The following ARID1B variants were observed in gnomAD, a reference collection of about 807,000 sequenced individuals.
The protein encoded by ARID1B is AT-rich interaction domain 1B, also known as AT-rich interactive domain-containing protein 1B.
ARID1B carries 30 observed loss-of-function variants against 212.3 expected under a neutral mutation model. The observed-to-expected ratio is 0.14, with a 90% CI of 0.11 to 0.19. ARID1B has a LOEUF of 0.19. Ranked by LOEUF, ARID1B falls within the 10% of genes least tolerant of loss-of-function variation. The probability of loss-of-function intolerance (pLI) is 1.00; values close to 1 mark genes in which losing one functional copy is unlikely to be tolerated. For synonymous variants in ARID1B, 1,402 were observed against 1,301.7 expected, an observed-to-expected ratio of 1.08 and a Z score of -1.66; for missense variants, 2,891 against 3,204.0, an observed-to-expected ratio of 0.90 and a Z score of 2.36.
In ARID1B at chr6:157,118,012, CA is replaced by C. The variant is rs540249082; in HGVS notation, c.2581+7452del. ...AACCCCAGCCGTGCTCTTTATGACC[CA>C]GGGGCATTTAGATAGAAATATGTAA... On this transcript the variant is annotated intron_variant, in intron 6 of 19. Transcript: ENST00000636930. 2.3e-3 allele frequency among the ~76,000 whole-genome samples: 344 copies of C among 152,288 alleles called. 1 individual carries two copies. Among genetic ancestry groups the C allele is most frequent in the African/African-American group, 7.9e-3 (327 of 41,558 alleles).
At chr6:157,057,026 G>A (rs987864936) in intron 4 of ARID1B, among the ~76,000 whole-genome samples, 1 of 149,670 alleles carries the variant, frequency 6.7e-6, no homozygotes, top group African/African-American at 2.5e-5. Context: ...TTTTTAAGAC[G>A]GAGTCTCACT....
chr6:157,185,994 A>G (rs1259063346), intron 13 of ARID1B: 1 of 152,782 alleles, frequency 6.5e-6, no homozygotes, highest in African/African-American at 2.4e-5. Flanking sequence ...AGAGTAAAAC[A>G]AGCTGCCTGT....
At chr6:156,906,114 G>A (rs1366087320) in intron 3 of ARID1B, among the ~76,000 whole-genome samples, 2 of 152,148 alleles carry the variant, frequency 1.3e-5, no homozygotes, top group Non-Finnish European at 2.9e-5. Context: ...TGGGGTGTGT[G>A]TTAGATGACT....
At chr6:157,051,238 AAG>A (rs1176349445) in intron 4 of ARID1B, among the ~76,000 whole-genome samples, 1 of 152,196 alleles carries the variant, frequency 6.6e-6, no homozygotes, top group East Asian at 1.9e-4. Context: ...AATTGCTGAG[AAG>A]AGAGGTTAAG....
intron 2 of ARID1B, among the ~76,000 whole-genome samples, chr6:156,900,009 GAGTTGT>G (rs1788790916): frequency 6.6e-6 from 1 of 152,222 alleles, no homozygotes; most frequent in African/African-American, 2.4e-5. Flanking sequence ...CTAGCATGTG[GAGTTGT>G]ATTTTATGGA....
At chr6:156,862,233 TG>T (rs1426325261) in intron 2 of ARID1B, among the ~76,000 whole-genome samples, 2 of 152,206 alleles carry the variant, frequency 1.3e-5, no homozygotes, top group African/African-American at 4.8e-5. Flanking sequence ...GGCTTTCCAT[TG>T]GAATTGGTTG....
chr6:157,066,162 A>T (rs1281743394), intron 4 of ARID1B, among the ~76,000 whole-genome samples: 1 of 152,270 alleles, frequency 6.6e-6, no homozygotes, highest in Non-Finnish European at 1.5e-5. Context: ...TGAAGAAAAC[A>T]CAAAACTTAT....
chr6:157,102,433 G>A (rs1015534751), intron 5 of ARID1B, among the ~76,000 whole-genome samples: 7 of 152,028 alleles, frequency 4.6e-5, no homozygotes, highest in Admixed American at 6.6e-5. Flanking sequence ...GGAACCCAGC[G>A]CATTCTTACA....
chr6:156,910,843 C>A lies in ARID1B; in HGVS notation c.2136+9318C>A, dbSNP rs1789816502. 2.0e-5 allele frequency among the ~76,000 whole-genome samples: 3 copies of A among 152,260 alleles called. No homozygotes were observed. The South Asian group carries it at 6.2e-4, about 32-fold the overall frequency. Reference sequence around the variant, plus strand: ...GATAATACCTTCTCATTGTTTGAATCAAACTTTTCTAGTGTCTCCTTTATT... The same window carrying A: ...GATAATACCTTCTCATTGTTTGAATAAAACTTTTCTAGTGTCTCCTTTATT... On this transcript the variant is annotated intron_variant, in intron 3 of 19. Transcript: ENST00000636930.
chr6:157,026,170 C>T (rs1780651115), intron 4 of ARID1B, among the ~76,000 whole-genome samples: 1 of 152,192 alleles, frequency 6.6e-6, no homozygotes, highest in African/African-American at 2.4e-5. Context: ...GGCGATCCAC[C>T]TCAAAGTGCT....
At chr6:157,031,902 T>TGCCTCAGCCTCA in intron 4 of ARID1B, among the ~76,000 whole-genome samples, 1 of 152,304 alleles carries the variant, frequency 6.6e-6, no homozygotes, top group Non-Finnish European at 1.5e-5. Context: ...GCTGTTCTCC[T>TGCCTCAGCCTCA]GCCTCAGCCT....
In ARID1B at chr6:157,209,417, G is replaced by A. The variant is rs1353070134; in HGVS notation, c.*1526G>A. On this transcript the variant is annotated 3_prime_UTR_variant, in exon 20 of 20. Coordinates refer to ENST00000636930, the MANE Select transcript of ARID1B (RefSeq NM_001374828.1). ...TTTAGGGGTTACCTACTTTAGAGTG[G>A]GGAGCAACAGTTTGATTTTCTCAAA... is the stretch of plus-strand genomic sequence containing the variant. 1 of 232,186 alleles carries A rather than the reference G, an allele frequency of 4.3e-6. No individual in the cohort carries two copies. Among genetic ancestry groups the A allele is most frequent in the East Asian group, 6.1e-5 (1 of 16,368 alleles). The allele number at this position is 232,186 out of a possible 1,614,324, so 14.4% of individuals were successfully genotyped here.
In ARID1B at chr6:157,206,006, A is replaced by C. The variant is rs1794415000; in HGVS notation, c.5395-161A>C. The C allele has an allele frequency of 1.3e-6, 1 of 770,874 alleles. No homozygotes were observed. Among genetic ancestry groups the C allele is most frequent in the African/African-American group, 1.7e-5 (1 of 57,688 alleles). 47.8% of individuals were successfully genotyped at this position (770,874 alleles called of 1,614,324 possible). A position where few individuals can be genotyped will look rare whatever the true frequency, so the allele number is the denominator to read the frequency against. On this transcript the variant is annotated intron_variant, in intron 19 of 19. Coordinates refer to ENST00000636930, the MANE Select transcript of ARID1B (RefSeq NM_001374828.1). This position sits in a 1 kb window ranked among gnomAD's most constrained non-coding sequence, Gnocchi z 6.8. ...AAATTCAGGAAGTTCGCTGGACCTG[A>C]AGGGTAGTTTATCTTTCATGGTCCA...
intron 2 of ARID1B, among the ~76,000 whole-genome samples, chr6:156,844,212 C>T (rs1028044339): frequency 2.6e-5 from 4 of 152,202 alleles, no homozygotes; most frequent in South Asian, 2.1e-4. Context: ...CAGAAAGCCA[C>T]AGGGCTGCCG....
At chr6:156,796,801 A>G (rs920722222) in intron 1 of ARID1B, among the ~76,000 whole-genome samples, 1 of 152,164 alleles carries the variant, frequency 6.6e-6, no homozygotes, top group African/African-American at 2.4e-5. Context: ...GGGGAAGCAG[A>G]CAAGTGGTGA....
Position 156,897,252 on chromosome 6 carries a change from C to CTTATTA in ARID1B, c.1987-4122_1987-4121insATTATT, listed in dbSNP as rs1351964431. ...TCTTCTTCTTCTTCTTCTTCTTCTT[C>CTTATTA]TTCTTCTTCTTCTTATTATTATTAT... On this transcript the variant is annotated intron_variant, in intron 2 of 19. Transcript: ENST00000636930. Among the ~76,000 whole-genome samples the CTTATTA allele has an allele frequency of 4.2e-3, 409 of 96,626 alleles. 2 individuals are homozygous for CTTATTA. Among genetic ancestry groups the CTTATTA allele is most frequent in the African/African-American group, 0.013 (362 of 28,010 alleles). The allele number at this position is 96,626 out of a possible 152,430, so 63.4% of individuals were successfully genotyped here. A position where few individuals can be genotyped will look rare whatever the true frequency, so the allele number is the denominator to read the frequency against.
intron 2 of ARID1B, among the ~76,000 whole-genome samples, chr6:156,866,306 C>T (rs114887031): frequency 0.02 from 3,093 of 152,218 alleles, 129 homozygotes; most frequent in African/African-American, 0.071. Flanking sequence ...AGGAGCTGTG[C>T]TTAGTGGGAG....
intron 8 of ARID1B, chr6:157,150,634 C>T (rs1790126621): frequency 5.9e-6 from 1 of 170,506 alleles, no homozygotes; most frequent in African/African-American, 2.4e-5. Context: ...TCTGTAAGCC[C>T]CGCACCTATG....
intron 5 of ARID1B, among the ~76,000 whole-genome samples, chr6:157,099,517 T>C (rs1159868584): frequency 6.6e-6 from 1 of 152,166 alleles, no homozygotes. Flanking sequence ...AAAAACATTG[T>C]GTAGTTTTAG....
Sources: allele counts gnomAD v4.1 joint callset (sites outside exome capture counted in the v4.1 genomes callset), GRCh38; gene constraint gnomAD v4.1.1; non-coding constraint Gnocchi (gnomAD v3.1); transcripts MANE v1.5; gene names NCBI Gene and HGNC (gene_info 2026-07-23, HGNC 2026-07-21).